The following OSTN variants were observed in gnomAD, a reference collection of about 807,000 sequenced individuals.
OSTN encodes the protein osteocrin.
Under a neutral mutation model 12.0 loss-of-function variants are expected in OSTN, and 9 were observed. The observed-to-expected ratio is 0.75, with a 90% CI of 0.45 to 1.30. OSTN has a LOEUF of 1.30. Ranked by LOEUF, OSTN falls within the 50% of genes most tolerant of loss-of-function variation. The pLI, the probability that OSTN is intolerant of heterozygous loss-of-function variation, is 0.00. For synonymous variants in OSTN, 59 were observed against 56.9 expected (o/e 1.04, Z -0.16); for missense variants, 148 against 152.3 (o/e 0.97, Z 0.15).
rs986100523 is a variant in OSTN at position 191,265,111 on chromosome 3, T to G, written c.*2258T>G. The G allele has an allele frequency of 2.6e-5, 4 of 152,214 alleles. No homozygotes were observed. The highest frequency in any genetic ancestry group is 9.6e-5 in the African/African-American group (4 of 41,470). The allele number at this position is 152,214 out of a possible 1,614,324, so 9.4% of individuals were successfully genotyped here. A position where few individuals can be genotyped will look rare whatever the true frequency, so the allele number is the denominator to read the frequency against. ...ATATACTAAATAATGGGGCTATTCT[T>G]TTAACATAGCAGTAAATTAAGACAG... On this transcript the variant is annotated 3_prime_UTR_variant, in exon 5 of 5. Transcript: ENST00000682035.
chr3:191,230,066 CAATA>C (rs71937483), intron 3 of OSTN, among the ~76,000 whole-genome samples: 9,171 of 146,092 alleles, frequency 0.063, 729 homozygotes, highest in East Asian at 0.21. Flanking sequence ...GACTCAGTCT[CAATA>C]AATAAATAAA....
intron 1 of OSTN, among the ~76,000 whole-genome samples, chr3:191,211,273 G>C (rs992692891): frequency 6.7e-6 from 1 of 149,352 alleles, no homozygotes; most frequent in Non-Finnish European, 1.5e-5. Flanking sequence ...CCACAAAACT[G>C]TTTTTTTGAA....
chr3:191,261,394 GACA>G (rs1176880601), intron 4 of OSTN, among the ~76,000 whole-genome samples: 48 of 152,188 alleles, frequency 3.2e-4, no homozygotes, highest in Admixed American at 3.1e-3. Context: ...AGGTTTTAGT[GACA>G]AGAGAGGTTA....
intron 3 of OSTN, among the ~76,000 whole-genome samples, chr3:191,221,861 C>A (rs953431908): frequency 6.6e-6 from 1 of 152,242 alleles, no homozygotes; most frequent in Non-Finnish European, 1.5e-5. Flanking sequence ...CCTCCCATCA[C>A]AGAGCCATAG....
chr3:191,246,804 T>A (rs1375505294), intron 3 of OSTN, among the ~76,000 whole-genome samples: 2 of 151,360 alleles, frequency 1.3e-5, no homozygotes, highest in African/African-American at 4.9e-5. Context: ...ATTCCTTGAT[T>A]CATTATCTAA....
rs183866871 is a variant in OSTN at position 191,208,241 on chromosome 3, A to G, written c.1-4292A>G. ...GTGATCTAGAGTATACATGGTGCCTAAGAGATTTTAAATCATGGGCTATAT... is the reference window on the plus strand; with the variant it reads ...GTGATCTAGAGTATACATGGTGCCTGAGAGATTTTAAATCATGGGCTATAT... On this transcript the variant is annotated intron_variant, in intron 1 of 4. Transcript: ENST00000682035. Among the ~76,000 whole-genome samples the G allele has an allele frequency of 2.2e-3, 340 of 152,342 alleles. 4 individuals carry two copies. The highest frequency in any genetic ancestry group is 0.02 in the Admixed American group (308 of 15,300).
intron 4 of OSTN, among the ~76,000 whole-genome samples, chr3:191,250,716 T>C (rs1255463267): frequency 6.6e-6 from 1 of 152,204 alleles, no homozygotes; most frequent in Non-Finnish European, 1.5e-5. Flanking sequence ...GTAGTGGTAT[T>C]CTGAAGATTA....
chr3:191,221,326 G>A (rs1379282967), intron 3 of OSTN, among the ~76,000 whole-genome samples: 1 of 152,090 alleles, frequency 6.6e-6, no homozygotes, highest in African/African-American at 2.4e-5. Flanking sequence ...ACCTGAAAAT[G>A]TGGAAGCAAC....
At chr3:191,222,814 G>A (rs1714803584) in intron 3 of OSTN, among the ~76,000 whole-genome samples, 1 of 151,860 alleles carries the variant, frequency 6.6e-6, no homozygotes, top group Admixed American at 6.6e-5. Flanking sequence ...CATGGGGGTG[G>A]CTACCCCCAT....
intron 3 of OSTN, among the ~76,000 whole-genome samples, chr3:191,225,678 C>T (rs930819176): frequency 5.3e-5 from 8 of 152,084 alleles, no homozygotes; most frequent in Non-Finnish European, 7.4e-5. Flanking sequence ...TTTGCAGCTA[C>T]ATGCATGCAG....
chr3:191,202,182 A>G (rs1482203371), intron 1 of OSTN, among the ~76,000 whole-genome samples: 1 of 152,236 alleles, frequency 6.6e-6, no homozygotes, highest in Non-Finnish European at 1.5e-5. Context: ...ATAGAATTAT[A>G]ATGTTTTCTG....
chr3:191,203,896 A>AT (rs1359844426), intron 1 of OSTN, among the ~76,000 whole-genome samples: 1 of 152,010 alleles, frequency 6.6e-6, no homozygotes, highest in Non-Finnish European at 1.5e-5. Context: ...TTATTTATTT[A>AT]TTTATTTTGA....
chr3:191,230,603 G>A (rs1055096117), intron 3 of OSTN, among the ~76,000 whole-genome samples: 10 of 146,872 alleles, frequency 6.8e-5, no homozygotes, highest in African/African-American at 2.3e-4. Context: ...ATTCTTAAAA[G>A]GGCTAAGTAG....
At chr3:191,222,316 A>T (rs979265647) in intron 3 of OSTN, among the ~76,000 whole-genome samples, 3 of 152,202 alleles carry the variant, frequency 2.0e-5, no homozygotes, top group Non-Finnish European at 4.4e-5. Context: ...GACATTCAAC[A>T]CCAGCTCGTG....
intron 3 of OSTN, among the ~76,000 whole-genome samples, chr3:191,246,408 C>T (rs968038233): frequency 6.6e-6 from 1 of 151,904 alleles, no homozygotes; most frequent in Non-Finnish European, 1.5e-5. Flanking sequence ...GAGTTTGAGA[C>T]CAGCCTGGCC....
intron 1 of OSTN, among the ~76,000 whole-genome samples, chr3:191,205,091 T>A (rs978514539): frequency 6.6e-6 from 1 of 152,220 alleles, no homozygotes; most frequent in African/African-American, 2.4e-5. Context: ...TCATATATTT[T>A]TAGGAAACAA....
Position 191,263,632 on chromosome 3 carries a change from C to T in OSTN, c.*779C>T, listed in dbSNP as rs1715858376. The T allele has an allele frequency of 6.6e-6, 1 of 152,130 alleles. No individual in the cohort carries two copies. Among genetic ancestry groups the T allele is most frequent in the Non-Finnish European group, 1.5e-5 (1 of 68,000 alleles). The allele number at this position is 152,130 out of a possible 1,614,324, so 9.4% of individuals were successfully genotyped here. A position where few individuals can be genotyped will look rare whatever the true frequency, so the allele number is the denominator to read the frequency against. The stretch of plus-strand genomic sequence containing the variant: ...AGAACAGGTTAGGACCAGCTAAGCA[C>T]ACATCATTTTAGCTCAGTACACTTC... On this transcript the variant is annotated 3_prime_UTR_variant, in exon 5 of 5. Transcript: ENST00000682035.
At chr3:191,202,428 T>C (rs1714171172) in intron 1 of OSTN, among the ~76,000 whole-genome samples, 1 of 152,240 alleles carries the variant, frequency 6.6e-6, no homozygotes, top group South Asian at 2.1e-4. Flanking sequence ...GTATCTTCTT[T>C]ACTTTTATAT....
chr3:191,236,348 G>A (rs1417372520), intron 3 of OSTN, among the ~76,000 whole-genome samples: 1 of 151,964 alleles, frequency 6.6e-6, no homozygotes, highest in Non-Finnish European at 1.5e-5. Flanking sequence ...AAGGGGTCCC[G>A]AACCAGACCC....
Sources: allele counts gnomAD v4.1 joint callset (sites outside exome capture counted in the v4.1 genomes callset), GRCh38; gene constraint gnomAD v4.1.1; transcripts MANE v1.5; gene names NCBI Gene and HGNC (gene_info 2026-07-23, HGNC 2026-07-21).